MGAT4C: variants seen among roughly 807,000 people sequenced by gnomAD.
The protein encoded by MGAT4C is MGAT4 family member C.
In MGAT4C, 19 loss-of-function variants were observed where a neutral mutation model predicts 40.1. The observed-to-expected ratio is 0.47, with a 90% CI of 0.33 to 0.70. The LOEUF (loss-of-function observed/expected upper bound fraction) is 0.70, where lower values mean the gene tolerates loss of function less well. Among genes scored for constraint, MGAT4C ranks in the 30% least tolerant of loss-of-function variants. The pLI, the probability that MGAT4C is intolerant of heterozygous loss-of-function variation, is 0.02. For missense variants in MGAT4C, 491 were observed against 563.2 expected (o/e 0.87, Z 1.30); for synonymous variants, 181 against 187.1 (o/e 0.97, Z 0.27).
intron 2 of MGAT4C, among the ~76,000 whole-genome samples, chr12:86,474,954 T>C (rs938432952): frequency 6.6e-6 from 1 of 152,122 alleles, no homozygotes; most frequent in African/African-American, 2.4e-5. Context: ...TGTAAACTGA[T>C]CAAGTGTCCT....
At chr12:86,060,841 C>T (rs908127398) in intron 1 of MGAT4C, among the ~76,000 whole-genome samples, 1 of 152,056 alleles carries the variant, frequency 6.6e-6, no homozygotes, top group African/African-American at 2.4e-5. Context: ...GCAGACATTT[C>T]TTGGTGCTCC....
intron 2 of MGAT4C, among the ~76,000 whole-genome samples, chr12:86,470,753 T>G (rs1030685365): frequency 6.6e-6 from 1 of 152,172 alleles, no homozygotes; most frequent in African/African-American, 2.4e-5. Flanking sequence ...ATAGTTATTA[T>G]TGTAATCATA....
chr12:86,226,847 T>C (rs1425940340), intron 1 of MGAT4C, among the ~76,000 whole-genome samples: 1 of 151,962 alleles, frequency 6.6e-6, no homozygotes, highest in Non-Finnish European at 1.5e-5. Flanking sequence ...TAGTATTATA[T>C]AATGTTTCTC....
At chr12:86,757,903 G>T (rs754524206) in intron 1 of MGAT4C, among the ~76,000 whole-genome samples, 4 of 151,914 alleles carry the variant, frequency 2.6e-5, no homozygotes, top group Non-Finnish European at 5.9e-5. Context: ...GTCCTCTCTG[G>T]GTCACATCTG....
intron 4 of MGAT4C, among the ~76,000 whole-genome samples, chr12:86,297,584 T>A (rs930858357): frequency 2.6e-5 from 4 of 152,178 alleles, no homozygotes; most frequent in Non-Finnish European, 5.9e-5. Flanking sequence ...TTGATAATGC[T>A]ATGAATGTGT....
At chr12:86,477,100 AT>A (rs1160209073) in intron 2 of MGAT4C, among the ~76,000 whole-genome samples, 1 of 151,824 alleles carries the variant, frequency 6.6e-6, no homozygotes, top group African/African-American at 2.4e-5. Flanking sequence ...ATATATATAT[AT>A]TTGTACTTAT....
At chr12:86,479,645 T>C (rs1033118354) in intron 2 of MGAT4C, among the ~76,000 whole-genome samples, 6 of 151,972 alleles carry the variant, frequency 3.9e-5, no homozygotes, top group East Asian at 1.9e-4. Context: ...TGAATGACTA[T>C]AGTTATAAAA....
chr12:86,720,211 T>C (rs1480672919), intron 2 of MGAT4C, among the ~76,000 whole-genome samples: 1 of 152,168 alleles, frequency 6.6e-6, no homozygotes, highest in Non-Finnish European at 1.5e-5. Context: ...GTTATCTCTC[T>C]ACATGGCATC....
chr12:86,731,146 T>A (rs1950900963), intron 1 of MGAT4C, among the ~76,000 whole-genome samples: 1 of 152,134 alleles, frequency 6.6e-6, no homozygotes, highest in South Asian at 2.1e-4. Flanking sequence ...TTAAGCCTCT[T>A]ATCTAATTTT....
chr12:86,581,790 GTTC>G (rs1420544123), intron 2 of MGAT4C, among the ~76,000 whole-genome samples: 16 of 151,488 alleles, frequency 1.1e-4, no homozygotes, highest in Non-Finnish European at 2.1e-4. Flanking sequence ...TCTAATCTCA[GTTC>G]TTCTGATAGT....
chr12:86,156,746 T>C (rs1043612483), intron 1 of MGAT4C, among the ~76,000 whole-genome samples: 2 of 152,252 alleles, frequency 1.3e-5, no homozygotes, highest in Non-Finnish European at 2.9e-5. Context: ...TATGTTCATT[T>C]TTCATTTTTC....
At chr12:86,711,957 C>T (rs1950563510) in intron 2 of MGAT4C, among the ~76,000 whole-genome samples, 1 of 151,984 alleles carries the variant, frequency 6.6e-6, no homozygotes, top group Admixed American at 6.6e-5. Flanking sequence ...TCTGTCCTGC[C>T]CTGGGAGCAG....
chr12:86,596,977 T>A (rs1460172305), intron 2 of MGAT4C, among the ~76,000 whole-genome samples: 1 of 152,156 alleles, frequency 6.6e-6, no homozygotes, highest in African/African-American at 2.4e-5. Context: ...CAACTGAGCA[T>A]CATTAATGTT....
chr12:86,348,524 T>C (rs1381030938), intron 3 of MGAT4C, among the ~76,000 whole-genome samples: 1 of 152,132 alleles, frequency 6.6e-6, no homozygotes, highest in Non-Finnish European at 1.5e-5. Context: ...AAAGGATGTA[T>C]TTCAAAATAA....
chr12:86,074,445 A>G (rs945822561), intron 1 of MGAT4C, among the ~76,000 whole-genome samples: 18 of 152,126 alleles, frequency 1.2e-4, no homozygotes, highest in Non-Finnish European at 2.5e-4. Context: ...GTATATCTTA[A>G]TAAGCATTTG....
In MGAT4C at chr12:86,096,374, A is replaced by G. The variant is rs910675808; in HGVS notation, c.-56-46651T>C. On this transcript the variant is annotated intron_variant, in intron 1 of 4. Coordinates refer to ENST00000611864, the MANE Select transcript of MGAT4C (RefSeq NM_001351288.2). Reference sequence around the variant, plus strand: ...TTCTTCTATTACTTGCCTATCTTCTATATTTTTTACTTCTTGAATTAACTC... The same window carrying G: ...TTCTTCTATTACTTGCCTATCTTCTGTATTTTTTACTTCTTGAATTAACTC... Among the ~76,000 whole-genome samples, 7 of 150,748 alleles carry G rather than the reference A, an allele frequency of 4.6e-5. No homozygotes were observed. In the East Asian group the frequency reaches 5.8e-4, roughly 13 times the overall value.
intron 3 of MGAT4C, among the ~76,000 whole-genome samples, chr12:86,419,259 G>T (rs1268900031): frequency 2.0e-5 from 3 of 151,848 alleles, no homozygotes; most frequent in Non-Finnish European, 4.4e-5. Context: ...CAATCTTACA[G>T]ATCTGTTAAA....
rs535189158 is a variant in MGAT4C, at chr12:85,992,357, G to C, written c.-6-2805C>G. Among the ~76,000 whole-genome samples the C allele has an allele frequency of 5.8e-4, 89 of 152,160 alleles. 1 individual carries two copies. The South Asian group carries it at 0.018, about 30-fold the overall frequency. ...CACATAGGACTGAAAGGAAATCTTGGGGCAACTAAGGGTATCTGGCCAAGG... is the reference window on the plus strand; with the variant it reads ...CACATAGGACTGAAAGGAAATCTTGCGGCAACTAAGGGTATCTGGCCAAGG... On this transcript the variant is annotated intron_variant, in intron 2 of 4. Coordinates refer to ENST00000611864, the MANE Select transcript of MGAT4C (RefSeq NM_001351288.2).
intron 2 of MGAT4C, among the ~76,000 whole-genome samples, chr12:86,659,460 T>C (rs1963928850): frequency 6.6e-6 from 1 of 152,106 alleles, no homozygotes; most frequent in Non-Finnish European, 1.5e-5. Flanking sequence ...AGGACTAGCT[T>C]ACTGCACTTG....
Sources: allele counts gnomAD v4.1 joint callset (sites outside exome capture counted in the v4.1 genomes callset), GRCh38; gene constraint gnomAD v4.1.1; transcripts MANE v1.5; gene names NCBI Gene and HGNC (gene_info 2026-07-23, HGNC 2026-07-21).